Variants in FREM1 observed in about 807,000 individuals in gnomAD.
The protein encoded by FREM1 is FRAS1 related extracellular matrix 1.
In FREM1, 220 loss-of-function variants were observed where a neutral mutation model predicts 210.1. That is an observed-to-expected ratio of 1.05 (90% CI 0.94 to 1.17). The LOEUF is 1.17. Among genes scored for constraint, FREM1 ranks in the 50% most tolerant of loss-of-function variants. The pLI is 0.00. For missense variants in FREM1, 3,454 were observed against 2,675.5 expected, an observed-to-expected ratio of 1.29 and a Z score of -6.42; for synonymous variants, 1,189 against 980.2, an observed-to-expected ratio of 1.21 and a Z score of -3.98.
chr9:14,845,316 T>C (rs1370765209), intron 8 of FREM1, among the ~76,000 whole-genome samples: 1 of 152,150 alleles, frequency 6.6e-6, no homozygotes, highest in African/African-American at 2.4e-5. Context: ...TCTTTTTTCT[T>C]TTTTTTGAGA....
chr9:14,797,447 T>C, intron 21 of FREM1, 51 bp downstream of exon 21: 1 of 1,498,800 alleles, frequency 6.7e-7, no homozygotes, highest in Non-Finnish European at 9.0e-7. Flanking sequence ...GTATTGTAGA[T>C]TTCATAGAAT....
intron 27 of FREM1, among the ~76,000 whole-genome samples, chr9:14,766,946 T>C (rs1212311952): frequency 6.6e-6 from 1 of 152,222 alleles, no homozygotes; most frequent in African/African-American, 2.4e-5. Flanking sequence ...CTTCAGTCAA[T>C]TATTGTACCT....
intron 9 of FREM1, 127 bp downstream of exon 9, chr9:14,842,189 T>G: frequency 1.6e-6 from 1 of 628,938 alleles, no homozygotes; most frequent in Non-Finnish European, 2.8e-6. Context: ...ACTATCTTAC[T>G]TCAGAAACTT....
At chr9:14,850,193 G>C (rs1036256152) in intron 6 of FREM1, among the ~76,000 whole-genome samples, 6 of 152,140 alleles carry the variant, frequency 3.9e-5, no homozygotes, top group African/African-American at 1.4e-4. Context: ...ACTTTAACCA[G>C]CTGTCCTCCC....
chr9:14,797,274 T>G (rs1485173868), intron 21 of FREM1, among the ~76,000 whole-genome samples: 1 of 152,222 alleles, frequency 6.6e-6, no homozygotes, highest in Non-Finnish European at 1.5e-5. Context: ...CTAATTAGTA[T>G]GTTTAGAAGA....
intron 24 of FREM1, among the ~76,000 whole-genome samples, chr9:14,778,292 T>C (rs1001552859): frequency 6.6e-6 from 1 of 151,864 alleles, no homozygotes; most frequent in Non-Finnish European, 1.5e-5. Context: ...TCATGAGGCA[T>C]TTATAAAAAT....
At chr9:14,862,422 C>A (rs1001273629) in intron 3 of FREM1, among the ~76,000 whole-genome samples, 2 of 152,198 alleles carry the variant, frequency 1.3e-5, no homozygotes, top group Non-Finnish European at 2.9e-5. Context: ...TAAAGGCCTA[C>A]TCCACATACA....
At chr9:14,812,606 C>G (rs371252550) in intron 16 of FREM1, among the ~76,000 whole-genome samples, 1 of 152,104 alleles carries the variant, frequency 6.6e-6, no homozygotes, top group African/African-American at 2.4e-5. Flanking sequence ...TGCCTTTCTC[C>G]GCTGTTTGAA....
intron 1 of FREM1, among the ~76,000 whole-genome samples, chr9:14,870,738 T>G (rs1381547407): frequency 6.6e-6 from 1 of 151,862 alleles, no homozygotes; most frequent in South Asian, 2.1e-4. Context: ...TGTGCCATGC[T>G]GGTGTGCTGC....
intron 8 of FREM1, among the ~76,000 whole-genome samples, chr9:14,843,202 G>A (rs1018082056): frequency 2.6e-5 from 4 of 152,168 alleles, no homozygotes; most frequent in African/African-American, 9.7e-5. Context: ...TGGAGCTCCT[G>A]GCTCTTGGGC....
chr9:14,844,983 C>T (rs1455608655), intron 8 of FREM1, among the ~76,000 whole-genome samples: 1 of 152,196 alleles, frequency 6.6e-6, no homozygotes, highest in East Asian at 1.9e-4. Context: ...TCCCACTGTC[C>T]TGAGATTAAG....
intron 10 of FREM1, among the ~76,000 whole-genome samples, chr9:14,830,596 A>C (rs1164728828): frequency 6.6e-6 from 1 of 152,180 alleles, no homozygotes; most frequent in African/African-American, 2.4e-5. Context: ...ATGTTAAAAA[A>C]ATGTGCCCAC....
In FREM1 at chr9:14,788,983, A is replaced by C. The variant is rs1284219939; in HGVS notation, c.4113T>G (p.Leu1371=). 1 of 1,613,058 alleles carries C rather than the reference A, an allele frequency of 6.2e-7. No individual in the cohort carries two copies. The highest frequency in any genetic ancestry group is 1.7e-5 in the Admixed American group (1 of 59,884). ...SQNQDSFTFY[L]WDGNNRSPAL... ...CAGGGGACCTGTTGTTGCCATCCCA[A>C]AGGTAGAAGGTGAAGCTATCTTGAT... Residue 1371 remains leucine, a synonymous_variant, in exon 23 of 37, where the codon CTT becomes CTG. Transcript: ENST00000380880.
At chr9:14,848,430 C>T (rs558639402) in intron 7 of FREM1, among the ~76,000 whole-genome samples, 31 of 152,206 alleles carry the variant, frequency 2.0e-4, no homozygotes, top group Middle Eastern at 6.8e-3. Context: ...GTCTTATCTC[C>T]GGCAGAGGAA....
At chr9:14,830,146 G>T (rs1319069530) in intron 10 of FREM1, among the ~76,000 whole-genome samples, 1 of 152,202 alleles carries the variant, frequency 6.6e-6, no homozygotes, top group Non-Finnish European at 1.5e-5. Flanking sequence ...AGATGCAAAA[G>T]AAAGAGCTAG....
At chr9:14,750,097 C>T (rs745738182) in intron 30 of FREM1, 30 bp downstream of exon 30, 12 of 1,611,212 alleles carry the variant, frequency 7.4e-6, no homozygotes, top group Non-Finnish European at 1.0e-5. Flanking sequence ...AGGACCGCTC[C>T]TGATTTCAAG....
chr9:14,798,385 A>C (rs1852843545), intron 20 of FREM1, among the ~76,000 whole-genome samples: 1 of 152,128 alleles, frequency 6.6e-6, no homozygotes, highest in Non-Finnish European at 1.5e-5. Flanking sequence ...CTCAAGTGGG[A>C]GGATCGCTTG....
At chr9:14,747,547 G>A in intron 32 of FREM1, 119 bp from the exon 33 acceptor site, 1 of 1,113,968 alleles carries the variant, frequency 9.0e-7, no homozygotes, top group Non-Finnish European at 1.3e-6. Context: ...TTGTTTCTCT[G>A]AACACCCAAG....
chr9:14,885,614 G>C (rs1835675158), intron 1 of FREM1, among the ~76,000 whole-genome samples: 1 of 152,116 alleles, frequency 6.6e-6, no homozygotes, highest in African/African-American at 2.4e-5. Flanking sequence ...AGGGATGGGA[G>C]TCTCACAATG....
Sources: allele counts gnomAD v4.1 joint callset (sites outside exome capture counted in the v4.1 genomes callset), GRCh38; gene constraint gnomAD v4.1.1; transcripts MANE v1.5; gene names NCBI Gene and HGNC (gene_info 2026-07-23, HGNC 2026-07-21).